FAM177A1: variants seen among roughly 807,000 people sequenced by gnomAD.
FAM177A1 encodes protein FAM177A1.
FAM177A1 carries 22 observed loss-of-function variants against 26.1 expected under a neutral mutation model. That is an observed-to-expected ratio of 0.84 (90% confidence interval 0.60 to 1.20). FAM177A1 has a LOEUF of 1.20. Among genes scored for constraint, FAM177A1 ranks in the 50% most tolerant of loss-of-function variants. The pLI is 0.00. For missense variants in FAM177A1, 296 were observed against 291.1 expected (o/e 1.02, Z -0.12); for synonymous variants, 95 against 99.3 (o/e 0.96, Z 0.26).
chr14:35,081,137 C>G lies in FAM177A1; in HGVS notation c.620C>G (p.Ser207Cys), dbSNP rs926530030. ...ACAGATCAACCAGAGACAGTGATATCCAGCTCATTTGTGAATGTCAATTTT... is the reference window on the plus strand; with the variant it reads ...ACAGATCAACCAGAGACAGTGATATGCAGCTCATTTGTGAATGTCAATTTT... ...VQTDQPETVISSSFVNVNFEM... is the reference protein window; with the variant it reads ...VQTDQPETVICSSFVNVNFEM... The change falls in exon 5 of 5, where the codon TCC (serine) becomes TGC (cysteine). Residue 207 changes from serine (S) to cysteine (C), a missense_variant. Physicochemically the swap from Ser to Cys is moderately radical, Grantham distance 112 (BLOSUM62 -1). Transcript: ENST00000280987. 1.9e-6 allele frequency: 3 copies of G among 1,613,502 alleles called. No homozygotes were observed. The highest frequency in any genetic ancestry group is 2.5e-6 in the Non-Finnish European group (3 of 1,179,804).
chr14:35,081,311 T>C lies in FAM177A1; in HGVS notation c.*83T>C, dbSNP rs537120671. On this transcript the variant is annotated 3_prime_UTR_variant, in exon 5 of 5. Coordinates refer to ENST00000280987, the MANE Select transcript of FAM177A1 (RefSeq NM_173607.5). The stretch of plus-strand genomic sequence containing the variant: ...TTCACATTCTTTATTCAGTGGGACT[T>C]AATACAATTATTTATATTTTAAATT... 8.3e-7 allele frequency: 1 copy of C among 1,204,176 alleles called. No homozygotes were observed. The highest frequency in any genetic ancestry group is 2.6e-5 in the East Asian group (1 of 37,834). The allele number at this position is 1,204,176 out of a possible 1,614,324, so 74.6% of individuals were successfully genotyped here. A position where few individuals can be genotyped will look rare whatever the true frequency, so the allele number is the denominator to read the frequency against.
chr14:35,045,751 G>A (rs3809449), upstream of FAM177A1, among the ~76,000 whole-genome samples: 27,081 of 152,120 alleles, frequency 0.18, 2,574 homozygotes, highest in East Asian at 0.37. Flanking sequence ...ATACGCACAC[G>A]ACTTTAAGAC....
chr14:35,070,866 ATGT>A (rs2045310488), intron 2 of FAM177A1, among the ~76,000 whole-genome samples: 1 of 152,134 alleles, frequency 6.6e-6, no homozygotes, highest in Non-Finnish European at 1.5e-5. Flanking sequence ...AGGGACAACA[ATGT>A]TGTAAAAATA....
At chr14:35,072,318 G>C (rs1227729226) in intron 2 of FAM177A1, among the ~76,000 whole-genome samples, 1 of 151,970 alleles carries the variant, frequency 6.6e-6, no homozygotes, top group African/African-American at 2.4e-5. Flanking sequence ...AAAATTATAA[G>C]GAAGAGAAAA....
At chr14:35,078,599 G>C (rs1310157806) in intron 3 of FAM177A1, among the ~76,000 whole-genome samples, 1 of 152,160 alleles carries the variant, frequency 6.6e-6, no homozygotes, top group Non-Finnish European at 1.5e-5. Flanking sequence ...TGATTTGCCT[G>C]CCTCAGCCTC....
At chr14:35,079,637 A>G (rs1361210510) in intron 4 of FAM177A1, among the ~76,000 whole-genome samples, 1 of 152,120 alleles carries the variant, frequency 6.6e-6, no homozygotes, top group Non-Finnish European at 1.5e-5. Context: ...ATAAGCCTCA[A>G]TCTCCTCATC....
intron 2 of FAM177A1, among the ~76,000 whole-genome samples, chr14:35,062,015 G>A (rs1334382145): frequency 6.6e-6 from 1 of 152,072 alleles, no homozygotes; most frequent in African/African-American, 2.4e-5. Flanking sequence ...TGTTCCTCCT[G>A]AGAAGAAAAC....
At position 35,077,208 on chromosome 14, in the gene FAM177A1, C is replaced by G. The variant is rs762541879; in HGVS notation, c.398C>G (p.Thr133Ser). Reference protein sequence around the residue: ...WFYMLRAATSTLSVCDFLGEK... With the variant: ...WFYMLRAATSSLSVCDFLGEK... ...TACATGCTTCGGGCTGCTACATCAACTCTCTCAGGTATTGCTTTTCTGCTT... is the reference window on the plus strand; with the variant it reads ...TACATGCTTCGGGCTGCTACATCAAGTCTCTCAGGTATTGCTTTTCTGCTT... Residue 133 changes from threonine to serine, a missense_variant, in exon 3 of 5, where the codon ACT becomes AGT. Transcript: ENST00000280987. The G allele has an allele frequency of 1.9e-6, 3 of 1,613,578 alleles. No individual in the cohort carries two copies. The highest frequency in any genetic ancestry group is 2.7e-5 in the African/African-American group (2 of 74,882).
Position 35,077,206 on chromosome 14 carries a change from A to G in FAM177A1, c.396A>G (p.Ser132=). The change falls in exon 3 of 5, where the codon TCA becomes TCG. Residue 132 remains serine (S), a synonymous_variant. Transcript: ENST00000280987. ...LWFYMLRAAT[S]TLSVCDFLGE... ...TTTACATGCTTCGGGCTGCTACATCAACTCTCTCAGGTATTGCTTTTCTGC... is the reference window on the plus strand; with the variant it reads ...TTTACATGCTTCGGGCTGCTACATCGACTCTCTCAGGTATTGCTTTTCTGC... The G allele has an allele frequency of 1.2e-6, 2 of 1,613,728 alleles. No individual in the cohort carries two copies. Among genetic ancestry groups the G allele is most frequent in the Non-Finnish European group, 1.7e-6 (2 of 1,179,862 alleles).
At chr14:35,054,342 G>C (rs72680650) in intron 2 of FAM177A1, among the ~76,000 whole-genome samples, 1 of 151,908 alleles carries the variant, frequency 6.6e-6, no homozygotes, top group African/African-American at 2.4e-5. Flanking sequence ...AGATGTGACT[G>C]TACAATTATG....
At chr14:35,053,033 G>A (rs942302194) in intron 1 of FAM177A1, among the ~76,000 whole-genome samples, 6 of 152,162 alleles carry the variant, frequency 3.9e-5, no homozygotes, top group African/African-American at 1.4e-4. Context: ...TGGAAGTTCA[G>A]AGATACAATG....
intron 2 of FAM177A1, among the ~76,000 whole-genome samples, chr14:35,057,443 G>T (rs2045079202): frequency 6.6e-6 from 1 of 151,880 alleles, no homozygotes; most frequent in South Asian, 2.1e-4. Flanking sequence ...AGAGTGGCAT[G>T]ATCTTGGCTC....
At chr14:35,046,697 C>CT (rs1467731663) in intron 1 of FAM177A1, 69 bp downstream of exon 1, 1 of 1,469,540 alleles carries the variant, frequency 6.8e-7, no homozygotes, top group African/African-American at 1.4e-5. Flanking sequence ...GCGGGCCGCT[C>CT]TTTTAGCCTG....
chr14:35,073,562 G>T (rs2045354199), intron 2 of FAM177A1, among the ~76,000 whole-genome samples: 1 of 152,182 alleles, frequency 6.6e-6, no homozygotes, highest in African/African-American at 2.4e-5. Context: ...AATAACAAAA[G>T]AATTTTAAAA....
At chr14:35,075,546 C>G (rs910972490) in intron 2 of FAM177A1, among the ~76,000 whole-genome samples, 2 of 152,060 alleles carry the variant, frequency 1.3e-5, no homozygotes, top group Non-Finnish European at 2.9e-5. Context: ...TGGTCAAGGA[C>G]TTCATGACTA....
chr14:35,075,124 A>G (rs7156322), intron 2 of FAM177A1, among the ~76,000 whole-genome samples: 25,509 of 152,220 alleles, frequency 0.17, 2,332 homozygotes, highest in East Asian at 0.37. Context: ...TATTGGTACA[A>G]TGAAGCATGC....
intron 2 of FAM177A1, among the ~76,000 whole-genome samples, chr14:35,069,723 A>G (rs962318756): frequency 5.9e-5 from 9 of 152,206 alleles, no homozygotes; most frequent in African/African-American, 1.4e-4. Flanking sequence ...CTGTATTTCC[A>G]TAGTACATTT....
chr14:35,069,822 G>C (rs936907632), intron 2 of FAM177A1, among the ~76,000 whole-genome samples: 1 of 151,820 alleles, frequency 6.6e-6, no homozygotes, highest in Non-Finnish European at 1.5e-5. Context: ...TAGAGCATAA[G>C]AAGTGGAGAC....
At chr14:35,050,759 G>C (rs2044953788) in intron 1 of FAM177A1, 1 of 152,128 alleles carries the variant, frequency 6.6e-6, no homozygotes, top group African/African-American at 2.4e-5. Context: ...ATCTAACTTA[G>C]CTCATCTGTC....
Sources: allele counts gnomAD v4.1 joint callset (sites outside exome capture counted in the v4.1 genomes callset), GRCh38; gene constraint gnomAD v4.1.1; transcripts MANE v1.5; gene names NCBI Gene and HGNC (gene_info 2026-07-23, HGNC 2026-07-21).